The following NALCN variants were observed in gnomAD, a reference collection of about 807,000 sequenced individuals.
The protein encoded by NALCN is sodium leak channel NALCN.
NALCN carries 111 observed loss-of-function variants against 225.3 expected under a neutral mutation model. The ratio of observed to expected loss-of-function variants is 0.49; its 90% CI spans 0.42 to 0.58. The LOEUF (loss-of-function observed/expected upper bound fraction) is 0.58, where lower values mean the gene tolerates loss of function less well. Among genes scored for constraint, NALCN ranks in the 20% least tolerant of loss-of-function variants. NALCN has a pLI of 0.00. For missense variants in NALCN, 1,378 were observed against 2,202.4 expected (o/e 0.63, Z 7.49); for synonymous variants, 764 against 769.0 (o/e 0.99, Z 0.11).
Position 101,305,044 on chromosome 13 carries a change from C to T in NALCN, c.800-12678G>A, listed in dbSNP as rs545054158. On this transcript the variant is annotated intron_variant, in intron 7 of 43. Coordinates refer to ENST00000251127, the MANE Select transcript of NALCN (RefSeq NM_052867.4). ...TGCTGGGATTACAGGCATGAGCCAC[C>T]GCACCCGGCCTGGCCTGGAATAATT... Among the ~76,000 whole-genome samples the T allele has an allele frequency of 3.0e-4, 45 of 152,008 alleles. 1 individual carries two copies. The highest frequency in any genetic ancestry group is 1.1e-3 in the African/African-American group (44 of 41,490).
At chr13:101,327,540 C>T (rs2045004128) in intron 7 of NALCN, among the ~76,000 whole-genome samples, 1 of 152,144 alleles carries the variant, frequency 6.6e-6, no homozygotes, top group African/African-American at 2.4e-5. Context: ...TTCAAAAATT[C>T]CTTAAAGTGA....
intron 10 of NALCN, among the ~76,000 whole-genome samples, chr13:101,261,137 T>A (rs1428754652): frequency 6.6e-6 from 1 of 152,220 alleles, no homozygotes; most frequent in African/African-American, 2.4e-5. Context: ...CCCCAGTGTA[T>A]GTTCTTGGCA....
In NALCN at chr13:101,297,079, G is replaced by T. The variant is rs191655514; in HGVS notation, c.800-4713C>A. Among the ~76,000 whole-genome samples the T allele has an allele frequency of 2.7e-3, 411 of 152,286 alleles. 6 individuals are homozygous for T. The highest frequency in any genetic ancestry group is 9.5e-3 in the African/African-American group (396 of 41,564). On this transcript the variant is annotated intron_variant, in intron 7 of 43. Coordinates refer to ENST00000251127, the MANE Select transcript of NALCN (RefSeq NM_052867.4). ...TGCTGACTCTTTTCCCATGAAAAAA[G>T]AGGTGAGATATTTGTGTTTTGGGAG...
intron 10 of NALCN, among the ~76,000 whole-genome samples, chr13:101,268,234 T>G (rs941228760): frequency 6.6e-6 from 1 of 152,202 alleles, no homozygotes; most frequent in African/African-American, 2.4e-5. Flanking sequence ...AGCTGTGGTG[T>G]GCTGGAGCTG....
chr13:101,250,403 C>T (rs904702124), intron 11 of NALCN, among the ~76,000 whole-genome samples: 3 of 152,040 alleles, frequency 2.0e-5, no homozygotes, highest in Non-Finnish European at 2.9e-5. Flanking sequence ...CTTATGACAA[C>T]ATGTTATCAA....
chr13:101,414,538 C>G (rs1259802731), intron 1 of NALCN, among the ~76,000 whole-genome samples: 1 of 111,782 alleles, frequency 8.9e-6, no homozygotes, highest in African/African-American at 3.6e-5. Context: ...CATGCACACA[C>G]AAAGCATGCC....
At chr13:101,317,925 A>G (rs1400603557) in intron 7 of NALCN, among the ~76,000 whole-genome samples, 1 of 152,138 alleles carries the variant, frequency 6.6e-6, no homozygotes, top group East Asian at 1.9e-4. Flanking sequence ...ACGTATTGAA[A>G]TGTCAGTTCT....
chr13:101,301,870 A>G (rs575366450), intron 7 of NALCN, among the ~76,000 whole-genome samples: 1 of 152,270 alleles, frequency 6.6e-6, no homozygotes, highest in Admixed American at 6.5e-5. Context: ...CTCAACTTCC[A>G]TGGATGCACT....
At chr13:101,307,982 C>A (rs1374247776) in intron 7 of NALCN, among the ~76,000 whole-genome samples, 1 of 152,056 alleles carries the variant, frequency 6.6e-6, no homozygotes, top group African/African-American at 2.4e-5. Context: ...ATTGGGTGTA[C>A]CTTTTGGATA....
chr13:101,063,975 C>A (rs573122781), intron 40 of NALCN, among the ~76,000 whole-genome samples: 1 of 152,218 alleles, frequency 6.6e-6, no homozygotes, highest in African/African-American at 2.4e-5. Flanking sequence ...CAAAGGAAAC[C>A]AATTATATTA....
intron 17 of NALCN, among the ~76,000 whole-genome samples, chr13:101,137,298 T>A (rs1566324323): frequency 1.3e-5 from 2 of 150,568 alleles, no homozygotes; most frequent in African/African-American, 2.4e-5. Flanking sequence ...AGCCATTATT[T>A]AAAAAAAAAA....
chr13:101,105,413 G>A lies in NALCN; in HGVS notation c.2580-463C>T, dbSNP rs1475275471. 2.6e-5 allele frequency among the ~76,000 whole-genome samples: 4 copies of A among 152,222 alleles called. No individual in the cohort carries two copies. In the East Asian group the frequency reaches 7.7e-4, roughly 29 times the overall value. On this transcript the variant is annotated intron_variant, in intron 22 of 43. Transcript: ENST00000251127. The stretch of plus-strand genomic sequence containing the variant: ...AGAATGATTTATTTAGAATTTCTTG[G>A]AAGGGAGAGTCGTTGTTTCTACTTT...
At chr13:101,081,280 T>C (rs981636284) in intron 34 of NALCN, among the ~76,000 whole-genome samples, 1 of 152,184 alleles carries the variant, frequency 6.6e-6, no homozygotes, top group Non-Finnish European at 1.5e-5. Context: ...AAGGTCCTTC[T>C]CTTTCTAGCT....
intron 28 of NALCN, among the ~76,000 whole-genome samples, chr13:101,092,736 G>A (rs1265976753): frequency 6.6e-6 from 1 of 152,020 alleles, no homozygotes; most frequent in Admixed American, 6.6e-5. Flanking sequence ...TTTTGTACAG[G>A]CCCTTCTGAG....
chr13:101,191,070 A>G (rs1476928630), intron 14 of NALCN, among the ~76,000 whole-genome samples: 1 of 152,182 alleles, frequency 6.6e-6, no homozygotes, highest in African/African-American at 2.4e-5. Flanking sequence ...ATATTGTAAG[A>G]TATTTTGTAA....
At chr13:101,291,518 G>T (rs538899999) in intron 9 of NALCN, among the ~76,000 whole-genome samples, 29 of 152,168 alleles carry the variant, frequency 1.9e-4, no homozygotes, top group Non-Finnish European at 2.8e-4. Context: ...ATTGTTCTGT[G>T]TTTGGGCCTT....
At chr13:101,275,664 G>C (rs2042945526) in intron 10 of NALCN, among the ~76,000 whole-genome samples, 1 of 152,140 alleles carries the variant, frequency 6.6e-6, no homozygotes, top group Admixed American at 6.6e-5. Flanking sequence ...TGTAGCTGGG[G>C]AGGAAGAAGG....
Position 101,111,224 on chromosome 13 carries a change from G to A in NALCN, c.2195C>T (p.Ala732Val). The change falls in exon 19 of 44, where the codon GCT (alanine) becomes GTT (valine). Residue 732 changes from alanine (A) to valine (V), a missense_variant and splice_region_variant. Ala to Val is a moderately conservative substitution (Grantham distance 64). This residue lies in a region of NALCN where 100 missense variants were observed against 89.4 expected (regional missense o/e 1.12). Coordinates refer to ENST00000251127, the MANE Select transcript of NALCN (RefSeq NM_052867.4). The part of the protein sequence containing the change: ...KETAVTKILR[A>V]CTRQRMLSGS... ...GCTCAGCATGCGCTGTCGGGTGCAAGCTCTAGGAAAAAAAAAGGAGCCCAA... is the reference window on the plus strand; with the variant it reads ...GCTCAGCATGCGCTGTCGGGTGCAAACTCTAGGAAAAAAAAAGGAGCCCAA... The A allele has an allele frequency of 6.3e-7, 1 of 1,581,152 alleles. No individual in the cohort carries two copies.
At chr13:101,359,781 T>G (rs1027740169) in intron 6 of NALCN, among the ~76,000 whole-genome samples, 1 of 152,192 alleles carries the variant, frequency 6.6e-6, no homozygotes, top group Non-Finnish European at 1.5e-5. Flanking sequence ...ACTGAATTTT[T>G]GACAAAATAT....
Sources: allele counts gnomAD v4.1 joint callset (sites outside exome capture counted in the v4.1 genomes callset), GRCh38; gene constraint gnomAD v4.1.1; regional missense constraint gnomAD v4.1.1; transcripts MANE v1.5; gene names NCBI Gene and HGNC (gene_info 2026-07-23, HGNC 2026-07-21).